Variants in CDH13 observed in about 807,000 individuals in gnomAD.
The protein encoded by CDH13 is cadherin 13, also known as cadherin-13.
Under a neutral mutation model 63.8 loss-of-function variants are expected in CDH13, and 24 were observed. That is an observed-to-expected ratio of 0.38 (90% confidence interval 0.27 to 0.53). The LOEUF (loss-of-function observed/expected upper bound fraction) is 0.53. Ranked by LOEUF, CDH13 falls within the 20% of genes least tolerant of loss-of-function variation. The pLI, the probability that CDH13 is intolerant of heterozygous loss-of-function variation, is 0.85. For synonymous variants in CDH13, 503 were observed against 355.3 expected (o/e 1.42, Z -4.67); for missense variants, 1,049 against 903.1 (o/e 1.16, Z -2.07).
At chr16:83,136,148 C>G (rs1426046406) in intron 4 of CDH13, among the ~76,000 whole-genome samples, 9 of 150,530 alleles carry the variant, frequency 6.0e-5, no homozygotes, top group Admixed American at 5.3e-4. Flanking sequence ...CCAAACACCA[C>G]CTGTACCCCA....
intron 4 of CDH13, among the ~76,000 whole-genome samples, chr16:83,143,068 C>A (rs566650408): frequency 6.6e-6 from 1 of 152,132 alleles, no homozygotes; most frequent in South Asian, 2.1e-4. Context: ...CGTGCCGTTG[C>A]GCTCCAGCCT....
At chr16:83,151,119 T>C (rs1297989347) in intron 4 of CDH13, among the ~76,000 whole-genome samples, 2 of 152,206 alleles carry the variant, frequency 1.3e-5, no homozygotes, top group East Asian at 3.9e-4. Context: ...ACCCAGATAC[T>C]AATCAGGTAC....
intron 11 of CDH13, among the ~76,000 whole-genome samples, chr16:83,777,697 G>T (rs894667742): frequency 8.5e-5 from 13 of 152,340 alleles, no homozygotes; most frequent in Middle Eastern, 6.8e-3. Context: ...AGGTCTCCTT[G>T]CTTCTTTGCT....
Position 82,786,078 on chromosome 16 carries a change from C to T in CDH13, c.46-72284C>T, listed in dbSNP as rs115437404. On this transcript the variant is annotated intron_variant, in intron 1 of 13. Transcript: ENST00000567109. ...CAAGGCAGAGCAGGTAGCAAGTAAT[C>T]TGAATGAGTTAGGGTGAGCAAGTGA... 5.3e-5 allele frequency among the ~76,000 whole-genome samples: 8 copies of T among 152,270 alleles called. No homozygotes were observed. The East Asian group carries it at 1.5e-3, about 29-fold the overall frequency.
chr16:82,942,654 C>G (rs1007916928), intron 2 of CDH13, among the ~76,000 whole-genome samples: 6 of 152,098 alleles, frequency 3.9e-5, no homozygotes, highest in African/African-American at 1.4e-4. Context: ...TGTATGTGCA[C>G]TGGCCTGGAA....
At chr16:83,473,300 A>G (rs2073510823) in intron 6 of CDH13, among the ~76,000 whole-genome samples, 1 of 152,230 alleles carries the variant, frequency 6.6e-6, no homozygotes, top group African/African-American at 2.4e-5. Context: ...CCCAATATGT[A>G]TTTACTTATC....
chr16:82,787,765 T>C (rs140455647), intron 1 of CDH13, among the ~76,000 whole-genome samples: 269 of 146,048 alleles, frequency 1.8e-3, no homozygotes, highest in Non-Finnish European at 6.0e-4. Context: ...AATAACAATT[T>C]TGTTTGTTTT....
intron 2 of CDH13, among the ~76,000 whole-genome samples, chr16:82,987,908 G>C (rs1911154132): frequency 6.6e-6 from 1 of 152,168 alleles, no homozygotes; most frequent in Non-Finnish European, 1.5e-5. Context: ...GCACAGAGAG[G>C]TCTTTCTCCC....
At chr16:83,470,708 C>G (rs1284377016) in intron 6 of CDH13, among the ~76,000 whole-genome samples, 1 of 152,198 alleles carries the variant, frequency 6.6e-6, no homozygotes, top group Non-Finnish European at 1.5e-5. Context: ...GATAACACGC[C>G]TAGCCCAGAG....
At chr16:83,696,285 G>T (rs912861226) in intron 10 of CDH13, among the ~76,000 whole-genome samples, 2 of 152,154 alleles carry the variant, frequency 1.3e-5, no homozygotes, top group South Asian at 2.1e-4. Flanking sequence ...GAGTGTGCAG[G>T]TTCGTTAAAC....
intron 3 of CDH13, among the ~76,000 whole-genome samples, chr16:83,077,508 A>G (rs2032935762): frequency 6.6e-6 from 1 of 151,998 alleles, no homozygotes; most frequent in South Asian, 2.1e-4. Flanking sequence ...AAGATTTTTT[A>G]GATTCATTCA....
rs569961454 is a variant in CDH13 at position 83,690,832 on chromosome 16, G to A, written c.1538+12371G>A. Reference sequence around the variant, plus strand: ...TGCCTCCCAGGTGCCAGTGATTCTCGTGACTCAGCCTCTGGAGTAGCTGGG... The same window carrying A: ...TGCCTCCCAGGTGCCAGTGATTCTCATGACTCAGCCTCTGGAGTAGCTGGG... On this transcript the variant is annotated intron_variant, in intron 10 of 13. Transcript: ENST00000567109. Among the ~76,000 whole-genome samples, 5 of 152,104 alleles carry A rather than the reference G, an allele frequency of 3.3e-5. No individual in the cohort carries two copies. The South Asian group carries it at 6.3e-4, about 19-fold the overall frequency.
At chr16:83,289,176 G>T (rs1005166207) in intron 5 of CDH13, among the ~76,000 whole-genome samples, 1 of 151,524 alleles carries the variant, frequency 6.6e-6, no homozygotes, top group African/African-American at 2.4e-5. Flanking sequence ...AGAATTCACT[G>T]TCTGCATATG....
intron 6 of CDH13, among the ~76,000 whole-genome samples, chr16:83,389,834 A>G (rs1044325483): frequency 2.0e-5 from 3 of 152,262 alleles, no homozygotes; most frequent in African/African-American, 4.8e-5. Context: ...ATTCAGCAGC[A>G]GCAGAAGAGT....
chr16:83,577,836 A>G (rs1038373347), intron 7 of CDH13, among the ~76,000 whole-genome samples: 2 of 152,252 alleles, frequency 1.3e-5, no homozygotes, highest in African/African-American at 4.8e-5. Flanking sequence ...AGGAAAGGAC[A>G]CAAAGGATAA....
chr16:82,927,296 C>A (rs1318533586), intron 2 of CDH13, among the ~76,000 whole-genome samples: 2 of 152,094 alleles, frequency 1.3e-5, no homozygotes, highest in African/African-American at 4.8e-5. Flanking sequence ...AAAATAAACT[C>A]CTACTCACGG....
At chr16:83,493,058 C>T (rs989973330) in intron 7 of CDH13, among the ~76,000 whole-genome samples, 24 of 152,062 alleles carry the variant, frequency 1.6e-4, no homozygotes, top group African/African-American at 5.8e-4. Context: ...AGTTGTGAGA[C>T]CTCTCTAAAC....
rs139341771 is a variant in CDH13 at position 82,633,402 on chromosome 16, C to T, written c.45+6265C>T. Among the ~76,000 whole-genome samples the T allele has an allele frequency of 2.3e-3, 349 of 152,300 alleles. 3 individuals are homozygous for T. Among genetic ancestry groups the T allele is most frequent in the Non-Finnish European group, 2.9e-3 (199 of 68,028 alleles). On this transcript the variant is annotated intron_variant, in intron 1 of 13. Coordinates refer to ENST00000567109, the MANE Select transcript of CDH13 (RefSeq NM_001257.5). ...TGTCACCTACTTTTTTTCTTTGAGA[C>T]GGAGTCTTGCTTTGTCACCCAAGCC... is the stretch of plus-strand genomic sequence containing the variant.
intron 7 of CDH13, among the ~76,000 whole-genome samples, chr16:83,504,654 G>A (rs972712784): frequency 6.6e-6 from 1 of 152,202 alleles, no homozygotes; most frequent in African/African-American, 2.4e-5. Flanking sequence ...GTCATGGCAG[G>A]TAGCGGGAGA....
Sources: gnomAD v4.1 joint callset for allele counts (sites outside exome capture counted in the v4.1 genomes callset) on GRCh38, gnomAD v4.1.1 for gene constraint, MANE v1.5 for transcripts, NCBI Gene and HGNC (gene_info 2026-07-23, HGNC 2026-07-21) for gene names.